CNTNAP5: variants seen among roughly 807,000 people sequenced by gnomAD.
CNTNAP5 encodes contactin associated protein family member 5, also known as contactin-associated protein-like 5.
CNTNAP5 carries 72 observed loss-of-function variants against 150.2 expected under a neutral mutation model. That is an observed-to-expected ratio of 0.48 (90% CI 0.40 to 0.58). The LOEUF is 0.58. CNTNAP5 is among the 20% of genes least tolerant of loss of function. The pLI, the probability that CNTNAP5 is intolerant of heterozygous loss-of-function variation, is 0.00. For missense variants in CNTNAP5, 1,636 were observed against 1,626.2 expected (o/e 1.01, Z -0.10); for synonymous variants, 672 against 619.8 (o/e 1.08, Z -1.25).
At chr2:124,604,518 A>C (rs1248724212) in intron 11 of CNTNAP5, among the ~76,000 whole-genome samples, 3 of 152,228 alleles carry the variant, frequency 2.0e-5, no homozygotes, top group Non-Finnish European at 4.4e-5. Flanking sequence ...AAACTGATGA[A>C]TTAAAGTGAA....
At chr2:124,385,986 C>T (rs1395610046) in intron 3 of CNTNAP5, among the ~76,000 whole-genome samples, 1 of 132,330 alleles carries the variant, frequency 7.6e-6, no homozygotes. Flanking sequence ...AGCACGTAGA[C>T]AACATCGATG....
At chr2:124,350,488 G>C (rs1219794220) in intron 3 of CNTNAP5, among the ~76,000 whole-genome samples, 1 of 150,868 alleles carries the variant, frequency 6.6e-6, no homozygotes, top group Non-Finnish European at 1.5e-5. Flanking sequence ...TCCATGGTCA[G>C]TTCTTACGCC....
intron 11 of CNTNAP5, among the ~76,000 whole-genome samples, chr2:124,595,365 CA>C (rs1696804353): frequency 8.4e-6 from 1 of 118,578 alleles, no homozygotes; most frequent in African/African-American, 3.3e-5. Flanking sequence ...TGAATTTTGT[CA>C]AAGGCTTTTT....
intron 3 of CNTNAP5, among the ~76,000 whole-genome samples, chr2:124,352,130 A>C (rs552117440): frequency 7.2e-5 from 11 of 152,088 alleles, no homozygotes; most frequent in Admixed American, 6.6e-4. Context: ...ACAGGCACAC[A>C]AGATAATTAT....
At chr2:124,116,563 C>T (rs1683434656) in intron 1 of CNTNAP5, among the ~76,000 whole-genome samples, 1 of 152,184 alleles carries the variant, frequency 6.6e-6, no homozygotes, top group Non-Finnish European at 1.5e-5. Flanking sequence ...CCCACCTGTG[C>T]ATGAAGCACT....
chr2:124,765,999 C>T (rs909926515), intron 16 of CNTNAP5, among the ~76,000 whole-genome samples: 1 of 152,024 alleles, frequency 6.6e-6, no homozygotes, highest in African/African-American at 2.4e-5. Context: ...TAAACAGTAG[C>T]TTCAGCATCT....
At chr2:124,464,353 A>G (rs981829786) in intron 6 of CNTNAP5, among the ~76,000 whole-genome samples, 1 of 152,270 alleles carries the variant, frequency 6.6e-6, no homozygotes, top group East Asian at 1.9e-4. Context: ...AAAAAGAAAT[A>G]GGATAAATTT....
intron 20 of CNTNAP5, among the ~76,000 whole-genome samples, chr2:124,867,100 T>C (rs1270564295): frequency 3.9e-5 from 6 of 152,100 alleles, no homozygotes; most frequent in African/African-American, 1.4e-4. Flanking sequence ...AAAATCACTC[T>C]AGCATTCTCC....
intron 3 of CNTNAP5, among the ~76,000 whole-genome samples, chr2:124,265,089 C>T (rs985497201): frequency 2.0e-5 from 3 of 152,166 alleles, no homozygotes; most frequent in African/African-American, 7.2e-5. Context: ...TGGTTAGGAA[C>T]ATGTAAATTC....
intron 14 of CNTNAP5, among the ~76,000 whole-genome samples, chr2:124,760,388 A>G (rs1680932063): frequency 6.6e-6 from 1 of 152,142 alleles, no homozygotes; most frequent in East Asian, 1.9e-4. Context: ...CTTACCAAGC[A>G]GCAGTTAACC....
intron 1 of CNTNAP5, among the ~76,000 whole-genome samples, chr2:124,195,345 G>A (rs1015885045): frequency 6.6e-6 from 1 of 152,152 alleles, no homozygotes; most frequent in Non-Finnish European, 1.5e-5. Context: ...GCTTTTAGAG[G>A]TGTTGAGAAA....
intron 10 of CNTNAP5, among the ~76,000 whole-genome samples, chr2:124,550,600 C>A (rs531254993): frequency 6.6e-6 from 1 of 152,210 alleles, no homozygotes; most frequent in South Asian, 2.1e-4. Flanking sequence ...GCAGGGAACA[C>A]AAAACCTGCT....
chr2:124,127,038 T>C (rs1683722183), intron 1 of CNTNAP5, among the ~76,000 whole-genome samples: 1 of 152,116 alleles, frequency 6.6e-6, no homozygotes, highest in South Asian at 2.1e-4. Context: ...TTATTCAACA[T>C]ACTGTTGGAA....
intron 13 of CNTNAP5, among the ~76,000 whole-genome samples, chr2:124,656,803 C>G (rs886136437): frequency 6.6e-6 from 1 of 152,106 alleles, no homozygotes; most frequent in Non-Finnish European, 1.5e-5. Context: ...TCCTTTATCT[C>G]AAGGATAAAG....
At chr2:124,251,278 A>T (rs1647604653) in intron 3 of CNTNAP5, among the ~76,000 whole-genome samples, 1 of 142,230 alleles carries the variant, frequency 7.0e-6, no homozygotes, top group Non-Finnish European at 1.5e-5. Flanking sequence ...AGGAAAAAGA[A>T]ACAGTTTTCC....
At chr2:124,147,055 C>T (rs948687104) in intron 1 of CNTNAP5, among the ~76,000 whole-genome samples, 7 of 152,076 alleles carry the variant, frequency 4.6e-5, no homozygotes, top group Admixed American at 1.3e-4. Context: ...GATGCTTTCT[C>T]GAAGTAATCC....
chr2:124,785,091 G>A (rs959043955), intron 17 of CNTNAP5, among the ~76,000 whole-genome samples: 6 of 146,330 alleles, frequency 4.1e-5, no homozygotes, highest in African/African-American at 1.5e-4. Flanking sequence ...AAACCCTTAA[G>A]CATCTCTAAG....
intron 13 of CNTNAP5, among the ~76,000 whole-genome samples, chr2:124,746,706 G>A (rs1473035235): frequency 3.9e-5 from 6 of 152,264 alleles, no homozygotes; most frequent in Admixed American, 3.3e-4. Context: ...TGAGGACAGA[G>A]GTCAGGCTAA....
intron 4 of CNTNAP5, among the ~76,000 whole-genome samples, chr2:124,427,234 C>T (rs1356834570): frequency 6.6e-6 from 1 of 152,058 alleles, no homozygotes; most frequent in Non-Finnish European, 1.5e-5. Flanking sequence ...GGTTTTACTA[C>T]CTTGGCAAGG....
Sources: gnomAD v4.1 joint callset for allele counts (sites outside exome capture counted in the v4.1 genomes callset) on GRCh38, gnomAD v4.1.1 for gene constraint, MANE v1.5 for transcripts, NCBI Gene and HGNC (gene_info 2026-07-23, HGNC 2026-07-21) for gene names.